MAP4: variants seen among roughly 807,000 people sequenced by gnomAD.
The protein encoded by MAP4 is microtubule-associated protein 4.
A neutral mutation model predicts 170.2 loss-of-function variants in MAP4; 76 were observed. The ratio of observed to expected loss-of-function variants is 0.45; its 90% CI spans 0.37 to 0.54. MAP4 has a LOEUF of 0.54. MAP4 is among the 20% of genes least tolerant of loss of function. The pLI is 0.00. For missense variants in MAP4, 2,506 were observed against 2,748.0 expected, an observed-to-expected ratio of 0.91 and a Z score of 1.97; for synonymous variants, 909 against 994.5, an observed-to-expected ratio of 0.91 and a Z score of 1.62.
At chr3:48,029,505 C>T (rs918300777) in intron 1 of MAP4, among the ~76,000 whole-genome samples, 9 of 152,098 alleles carry the variant, frequency 5.9e-5, no homozygotes, top group Admixed American at 5.2e-4. Flanking sequence ...ATCACTAACT[C>T]CTTTTTCAGT....
At chr3:47,878,711 T>A (rs888381644) in intron 10 of MAP4, among the ~76,000 whole-genome samples, 12 of 152,120 alleles carry the variant, frequency 7.9e-5, no homozygotes, top group Non-Finnish European at 1.8e-4. Flanking sequence ...CTAATTTCTG[T>A]ATTTTTAGTA....
chr3:48,010,234 TA>T (rs1559787249), intron 1 of MAP4, among the ~76,000 whole-genome samples: 1 of 152,126 alleles, frequency 6.6e-6, no homozygotes, highest in African/African-American at 2.4e-5. Flanking sequence ...AAGGCAAAGT[TA>T]ATACAGAATG....
At chr3:48,064,351 C>T (rs979020650) in intron 1 of MAP4, among the ~76,000 whole-genome samples, 1 of 152,074 alleles carries the variant, frequency 6.6e-6, no homozygotes, top group Non-Finnish European at 1.5e-5. Flanking sequence ...TGGCCCCCAC[C>T]CAGGAACTGA....
chr3:47,924,163 G>A (rs2100044528), intron 4 of MAP4, among the ~76,000 whole-genome samples: 1 of 152,166 alleles, frequency 6.6e-6, no homozygotes, highest in Non-Finnish European at 1.5e-5. Context: ...CAAGGTCAGG[G>A]ATGGGAACAT....
chr3:47,953,464 G>A (rs1024539539), intron 3 of MAP4, among the ~76,000 whole-genome samples: 3 of 152,158 alleles, frequency 2.0e-5, no homozygotes, highest in East Asian at 1.9e-4. Flanking sequence ...CGAAATTACA[G>A]TGAGCTATGA....
At chr3:48,010,309 G>C (rs1453488143) in intron 1 of MAP4, among the ~76,000 whole-genome samples, 1 of 152,218 alleles carries the variant, frequency 6.6e-6, no homozygotes, top group East Asian at 1.9e-4. Flanking sequence ...AATGAGGACT[G>C]TAACTGCCAT....
intron 1 of MAP4, chr3:48,013,369 T>C (rs962157572): frequency 6.6e-6 from 1 of 152,024 alleles, no homozygotes; most frequent in Non-Finnish European, 1.5e-5. Context: ...ATACAGATAA[T>C]AAAGTTAACT....
chr3:47,915,652 G>A (rs968997119), intron 7 of MAP4, among the ~76,000 whole-genome samples: 1 of 152,142 alleles, frequency 6.6e-6, no homozygotes, highest in Non-Finnish European at 1.5e-5. Flanking sequence ...CAGAGACCAT[G>A]GATACAGATA....
rs1033008545 is a variant in MAP4, at chr3:47,950,371, G to C, written c.293-22021C>G. Among the ~76,000 whole-genome samples the C allele has an allele frequency of 5.9e-5, 9 of 152,130 alleles. No individual in the cohort carries two copies. In the East Asian group the frequency reaches 1.7e-3, roughly 29 times the overall value. ...TTAAAAACATGGGATTTAGAAATTG[G>C]TTTGGTGGCACTCTTGGGTTTAAGT... On this transcript the variant is annotated intron_variant, in intron 3 of 20. Transcript: ENST00000683076.
At chr3:47,967,356 CAA>C (rs935012361) in intron 3 of MAP4, among the ~76,000 whole-genome samples, 15 of 150,186 alleles carry the variant, frequency 1.0e-4, no homozygotes, top group Admixed American at 7.9e-4. Flanking sequence ...CAAAACAAAA[CAA>C]AAAACACATT....
chr3:47,872,103 G>A lies in MAP4; in HGVS notation c.5758-3C>T, dbSNP rs375636971. 2.5e-6 allele frequency: 4 copies of A among 1,602,874 alleles called. No homozygotes were observed. Among genetic ancestry groups the A allele is most frequent in the African/African-American group, 1.3e-5 (1 of 74,754 alleles). ...GGAGCCTTTGCATCTGCAATGGGCT[G>A]GAAATAGGAAAGTGGGAATGAGGCC... On this transcript the variant is annotated splice_polypyrimidine_tract_variant and splice_region_variant and intron_variant, in intron 12 of 20. Coordinates refer to ENST00000683076, the MANE Select transcript of MAP4 (RefSeq NM_001385682.1).
chr3:48,074,062 T>C (rs1411105405), intron 1 of MAP4, among the ~76,000 whole-genome samples: 3 of 152,066 alleles, frequency 2.0e-5, no homozygotes, highest in Non-Finnish European at 4.4e-5. Flanking sequence ...CCAACCCAAA[T>C]GTCCATCAAT....
At chr3:48,050,689 A>G (rs2100127261) in intron 1 of MAP4, among the ~76,000 whole-genome samples, 1 of 151,728 alleles carries the variant, frequency 6.6e-6, no homozygotes, top group Non-Finnish European at 1.5e-5. Flanking sequence ...CAGGCGGATC[A>G]CAGGTCAAGA....
At chr3:48,044,681 T>C (rs1308045727) in intron 1 of MAP4, among the ~76,000 whole-genome samples, 1 of 152,064 alleles carries the variant, frequency 6.6e-6, no homozygotes, top group Non-Finnish European at 1.5e-5. Flanking sequence ...GAGAATTGTT[T>C]GAACCTAGGA....
chr3:47,936,418 C>T (rs1458758485), intron 3 of MAP4, among the ~76,000 whole-genome samples: 1 of 148,190 alleles, frequency 6.7e-6, no homozygotes, highest in Non-Finnish European at 1.5e-5. Flanking sequence ...GGCAACAGAG[C>T]AAAACTCTGT....
intron 7 of MAP4, among the ~76,000 whole-genome samples, 170 bp downstream of exon 7, chr3:47,915,781 T>G (rs909127340): frequency 1.3e-5 from 2 of 151,644 alleles, no homozygotes; most frequent in African/African-American, 4.8e-5. Context: ...GTGTTGGAGG[T>G]GGGAGGAGGG....
At chr3:48,003,496 T>C (rs958983800) in intron 1 of MAP4, among the ~76,000 whole-genome samples, 1 of 151,554 alleles carries the variant, frequency 6.6e-6, no homozygotes, top group African/African-American at 2.4e-5. Context: ...TACAAAACTG[T>C]TATGATCAGC....
At chr3:47,863,006 C>A (rs566264523) in intron 17 of MAP4, among the ~76,000 whole-genome samples, 2 of 141,632 alleles carry the variant, frequency 1.4e-5, no homozygotes, top group African/African-American at 5.2e-5. Context: ...GACGGAGTTT[C>A]GCTCTTGTTG....
chr3:48,062,347 G>T (rs1225007229), intron 1 of MAP4, among the ~76,000 whole-genome samples: 1 of 151,674 alleles, frequency 6.6e-6, no homozygotes, highest in Non-Finnish European at 1.5e-5. Flanking sequence ...AGTACCCAGG[G>T]ACACAAACAC....
Sources: gnomAD v4.1 joint callset for allele counts (sites outside exome capture counted in the v4.1 genomes callset) on GRCh38, gnomAD v4.1.1 for gene constraint, MANE v1.5 for transcripts, NCBI Gene and HGNC (gene_info 2026-07-23, HGNC 2026-07-21) for gene names.